Variants in GRM1 observed in about 807,000 individuals in gnomAD.
The protein encoded by GRM1 is glutamate metabotropic receptor 1.
GRM1 carries 33 observed loss-of-function variants against 90.9 expected under a neutral mutation model. That is an observed-to-expected ratio of 0.36 (90% CI 0.28 to 0.49). GRM1 has a LOEUF of 0.49. Among genes scored for constraint, GRM1 ranks in the 20% least tolerant of loss-of-function variants. The pLI, the probability that GRM1 is intolerant of heterozygous loss-of-function variation, is 0.99. For missense variants in GRM1, 1,190 were observed against 1,534.3 expected, an observed-to-expected ratio of 0.78 and a Z score of 3.75; for synonymous variants, 700 against 613.2, an observed-to-expected ratio of 1.14 and a Z score of -2.09.
intron 1 of GRM1, among the ~76,000 whole-genome samples, chr6:146,058,113 A>T (rs1275824697): frequency 2.6e-5 from 4 of 152,070 alleles, no homozygotes; most frequent in Non-Finnish European, 5.9e-5. Flanking sequence ...ACTTCGGGTG[A>T]TTGTAACATC....
At chr6:146,378,308 T>C (rs921883019) in intron 5 of GRM1, among the ~76,000 whole-genome samples, 3 of 152,152 alleles carry the variant, frequency 2.0e-5, no homozygotes, top group Admixed American at 6.5e-5. Flanking sequence ...TCTATTCCAC[T>C]GACACTTGCA....
Position 146,399,777 on chromosome 6 carries a change from C to A in GRM1, c.2660+78C>A. ...TCTCTCTCTCTCTCTCTCTCTCTTTCTCTGTCTCTCATATCTTCCTCTAGT... is the reference window on the plus strand; with the variant it reads ...TCTCTCTCTCTCTCTCTCTCTCTTTATCTGTCTCTCATATCTTCCTCTAGT... On this transcript the variant is annotated intron_variant, in intron 7 of 7. Transcript: ENST00000282753. This position sits in a 1 kb window ranked among gnomAD's most constrained non-coding sequence, Gnocchi z 5.4. The A allele has an allele frequency of 1.1e-6, 1 of 940,386 alleles. No homozygotes were observed. Among genetic ancestry groups the A allele is most frequent in the Admixed American group, 2.0e-5 (1 of 50,088 alleles). 58.3% of individuals were successfully genotyped at this position (940,386 alleles called of 1,614,324 possible).
chr6:146,335,237 G>C (rs192923836), intron 3 of GRM1, among the ~76,000 whole-genome samples: 1 of 152,228 alleles, frequency 6.6e-6, no homozygotes, highest in African/African-American at 2.4e-5. Flanking sequence ...AGCCAGGGAG[G>C]TATTAATGGT....
chr6:146,294,984 GT>G (rs35338660), intron 2 of GRM1, among the ~76,000 whole-genome samples: 340 of 150,820 alleles, frequency 2.3e-3, no homozygotes, highest in African/African-American at 7.1e-3. Flanking sequence ...TAGAAAGTCT[GT>G]TTTTTTTTAA....
chr6:146,215,869 G>C (rs1316489335), intron 2 of GRM1, among the ~76,000 whole-genome samples: 1 of 151,396 alleles, frequency 6.6e-6, no homozygotes, highest in Non-Finnish European at 1.5e-5. Flanking sequence ...CCATCCTCCT[G>C]CCTCAGCCTC....
At chr6:146,075,371 T>C (rs780675640) in intron 1 of GRM1, among the ~76,000 whole-genome samples, 1 of 152,184 alleles carries the variant, frequency 6.6e-6, no homozygotes, top group Non-Finnish European at 1.5e-5. Context: ...GTGAACAAAA[T>C]TGTTTGTCCT....
intron 1 of GRM1, among the ~76,000 whole-genome samples, chr6:146,089,420 C>G (rs1483963702): frequency 6.6e-6 from 1 of 152,034 alleles, no homozygotes; most frequent in South Asian, 2.1e-4. Flanking sequence ...TAAGCAGAGG[C>G]CTTAACTGTA....
intron 1 of GRM1, among the ~76,000 whole-genome samples, chr6:146,159,085 G>A (rs538188803): frequency 2.0e-5 from 3 of 152,174 alleles, no homozygotes; most frequent in Admixed American, 6.5e-5. Context: ...AAATAGGGCA[G>A]CAATCCTTCA....
intron 2 of GRM1, among the ~76,000 whole-genome samples, chr6:146,282,660 T>A (rs771862516): frequency 1.3e-5 from 2 of 152,178 alleles, no homozygotes; most frequent in Non-Finnish European, 2.9e-5. Context: ...GAGTGCCTGA[T>A]GTGTAAAAAA....
At chr6:146,360,417 G>A (rs1331849249) in intron 5 of GRM1, among the ~76,000 whole-genome samples, 2 of 151,988 alleles carry the variant, frequency 1.3e-5, no homozygotes. Context: ...TTATTGTTGT[G>A]TGTAACCTTA....
intron 5 of GRM1, among the ~76,000 whole-genome samples, chr6:146,369,908 C>T (rs1315153622): frequency 6.9e-6 from 1 of 145,932 alleles, no homozygotes; most frequent in Non-Finnish European, 1.5e-5. Flanking sequence ...TGGTCCATTG[C>T]TAAAAGTGGA....
At chr6:146,267,832 G>C (rs1781976926) in intron 2 of GRM1, among the ~76,000 whole-genome samples, 1 of 151,976 alleles carries the variant, frequency 6.6e-6, no homozygotes. Context: ...AAGGGTGGAT[G>C]TGCCTTCCCC....
intron 5 of GRM1, among the ~76,000 whole-genome samples, chr6:146,380,857 T>C (rs2115123729): frequency 6.6e-6 from 1 of 152,248 alleles, no homozygotes; most frequent in African/African-American, 2.4e-5. Context: ...CAGGACTGTG[T>C]CCTTTCCTTC....
intron 2 of GRM1, among the ~76,000 whole-genome samples, chr6:146,203,018 A>G (rs1163626246): frequency 6.6e-6 from 1 of 151,630 alleles, no homozygotes. Context: ...ACACGGTGAA[A>G]CCCCGTCTCA....
At chr6:146,325,628 A>G (rs763248483) in intron 3 of GRM1, among the ~76,000 whole-genome samples, 4 of 152,232 alleles carry the variant, frequency 2.6e-5, no homozygotes, top group Non-Finnish European at 5.9e-5. Flanking sequence ...AACGGCTAGG[A>G]ATCCCACATT....
rs182053418 is a variant in GRM1 at position 146,249,487 on chromosome 6, C to A, written c.951-55124C>A. 2.6e-5 allele frequency among the ~76,000 whole-genome samples: 4 copies of A among 152,250 alleles called. No homozygotes were observed. The East Asian group carries it at 5.8e-4, about 22-fold the overall frequency. On this transcript the variant is annotated intron_variant, in intron 2 of 7. Transcript: ENST00000282753. ...GCTTCAGAGCATGCAGGCCACAAGC[C>A]TTGGTTGTGTCCATGTGGTTTTGGG... is the stretch of plus-strand genomic sequence containing the variant.
At chr6:146,108,830 G>A (rs796919150) in intron 1 of GRM1, among the ~76,000 whole-genome samples, 2 of 152,128 alleles carry the variant, frequency 1.3e-5, no homozygotes, top group Non-Finnish European at 2.9e-5. Flanking sequence ...TTGAGGAGAT[G>A]ATGAACTTGT....
intron 1 of GRM1, among the ~76,000 whole-genome samples, chr6:146,076,195 G>T (rs904609618): frequency 6.6e-6 from 1 of 152,134 alleles, no homozygotes; most frequent in African/African-American, 2.4e-5. Context: ...GTGATGAGTC[G>T]AATAGACGGC....
At chr6:146,162,955 T>A (rs1051379240) in intron 2 of GRM1, among the ~76,000 whole-genome samples, 1 of 152,152 alleles carries the variant, frequency 6.6e-6, no homozygotes, top group African/African-American at 2.4e-5. Context: ...TGGCTCCACA[T>A]CATCTTTAAA....
Sources: gnomAD v4.1 joint callset for allele counts (sites outside exome capture counted in the v4.1 genomes callset) on GRCh38, gnomAD v4.1.1 for gene constraint, Gnocchi (gnomAD v3.1) non-coding constraint, MANE v1.5 for transcripts, NCBI Gene and HGNC (gene_info 2026-07-23, HGNC 2026-07-21) for gene names.